Variants in ERI3 observed in about 807,000 individuals in gnomAD.
ERI3 encodes the protein ERI1 exoribonuclease family member 3.
ERI3 carries 18 observed loss-of-function variants against 44.4 expected under a neutral mutation model. The observed-to-expected ratio is 0.41, with a 90% CI of 0.28 to 0.60. The LOEUF (loss-of-function observed/expected upper bound fraction) is 0.60, where lower values mean the gene tolerates loss of function less well. ERI3 is among the 20% of genes least tolerant of loss of function. The probability of loss-of-function intolerance (pLI) is 0.36; values close to 1 mark genes in which losing one functional copy is unlikely to be tolerated. For synonymous variants in ERI3, 183 were observed against 164.8 expected (o/e 1.11, Z -0.84); for missense variants, 294 against 435.5 (o/e 0.68, Z 2.89).
At chr1:44,342,517 AT>A (rs1416426250) in intron 2 of ERI3, among the ~76,000 whole-genome samples, 1 of 151,730 alleles carries the variant, frequency 6.6e-6, no homozygotes, top group African/African-American at 2.4e-5. Context: ...TTAGATGTGT[AT>A]CAGATAGATA....
chr1:44,252,573 C>T lies in ERI3; in HGVS notation c.832-4535G>A, dbSNP rs1331397033. Among the ~76,000 whole-genome samples the T allele has an allele frequency of 6.6e-6, 1 of 152,218 alleles. No individual in the cohort carries two copies. Among genetic ancestry groups the T allele is most frequent in the East Asian group, 1.9e-4 (1 of 5,194 alleles). On this transcript the variant is annotated intron_variant, in intron 7 of 8. Transcript: ENST00000372257. This position sits in a 1 kb window ranked among gnomAD's most constrained non-coding sequence, Gnocchi z 4.7. ...CATTGCTGGGCCCGCGAAATGGAAT[C>T]GTGTATAATCAGCCTCCTCCATGCA... is the stretch of plus-strand genomic sequence containing the variant.
rs554165333 is a variant in ERI3, at chr1:44,323,443, G to T, written c.490-3699C>A. On this transcript the variant is annotated intron_variant, in intron 3 of 8. Transcript: ENST00000372257. ...TACCCTCCTTAATCCTGGCAGACAGGTTACATCATCATCACCATCACCATC... is the reference window on the plus strand; with the variant it reads ...TACCCTCCTTAATCCTGGCAGACAGTTTACATCATCATCACCATCACCATC... Among the ~76,000 whole-genome samples, 6 of 152,258 alleles carry T rather than the reference G, an allele frequency of 3.9e-5. No homozygotes were observed. The South Asian group carries it at 1.2e-3, about 32-fold the overall frequency.
At chr1:44,224,088 C>T (rs1245377085) in intron 8 of ERI3, among the ~76,000 whole-genome samples, 1 of 152,146 alleles carries the variant, frequency 6.6e-6, no homozygotes, top group Non-Finnish European at 1.5e-5. Flanking sequence ...TGCCCTCTCC[C>T]TCACTCTCCA....
At chr1:44,267,073 T>C (rs1442712990) in intron 7 of ERI3, among the ~76,000 whole-genome samples, 1 of 152,186 alleles carries the variant, frequency 6.6e-6, no homozygotes, top group Non-Finnish European at 1.5e-5. Flanking sequence ...CATGGTGCTC[T>C]AGGAGGCCAG....
chr1:44,260,331 C>T (rs546530222), intron 7 of ERI3, among the ~76,000 whole-genome samples: 3 of 152,236 alleles, frequency 2.0e-5, no homozygotes, highest in Non-Finnish European at 4.4e-5. Flanking sequence ...GATCCTGCCT[C>T]ACTGCACAGG....
intron 8 of ERI3, among the ~76,000 whole-genome samples, chr1:44,226,953 C>T (rs532278786): frequency 1.3e-5 from 2 of 152,088 alleles, no homozygotes; most frequent in African/African-American, 2.4e-5. Context: ...TGTCCTACCA[C>T]CATTGATTGA....
At chr1:44,247,857 ACT>A in intron 8 of ERI3, 80 bp downstream of exon 8, 3 of 1,109,810 alleles carry the variant, frequency 2.7e-6, no homozygotes, top group African/African-American at 1.6e-5. Flanking sequence ...AGCCATGGAA[ACT>A]CTCTATGTGC....
chr1:44,237,336 A>T (rs1420728945), intron 8 of ERI3, among the ~76,000 whole-genome samples: 2 of 152,166 alleles, frequency 1.3e-5, no homozygotes, highest in Non-Finnish European at 2.9e-5. Flanking sequence ...AAACACAGGG[A>T]AGGCTCCATC....
chr1:44,245,396 G>A (rs1455440222), intron 8 of ERI3, among the ~76,000 whole-genome samples: 1 of 152,136 alleles, frequency 6.6e-6, no homozygotes, highest in Non-Finnish European at 1.5e-5. Context: ...AGTGTCCTGG[G>A]GAGCCGCTGG....
At chr1:44,343,791 G>A (rs1340363765) in intron 2 of ERI3, among the ~76,000 whole-genome samples, 1 of 152,128 alleles carries the variant, frequency 6.6e-6, no homozygotes, top group Non-Finnish European at 1.5e-5. Flanking sequence ...GTAGGAAAAT[G>A]TCCTTGTTTA....
At chr1:44,292,760 G>A (rs1463136089) in intron 6 of ERI3, among the ~76,000 whole-genome samples, 1 of 152,146 alleles carries the variant, frequency 6.6e-6, no homozygotes, top group Non-Finnish European at 1.5e-5. Context: ...CCTCTGGGAC[G>A]GCTGCAGGTT....
At chr1:44,231,422 G>T (rs1169855052) in intron 8 of ERI3, among the ~76,000 whole-genome samples, 2 of 152,122 alleles carry the variant, frequency 1.3e-5, no homozygotes, top group African/African-American at 4.8e-5. Context: ...CACCCAGGCA[G>T]GAGTGCAGTG....
At chr1:44,229,850 T>A (rs1184849813) in intron 8 of ERI3, among the ~76,000 whole-genome samples, 1 of 152,134 alleles carries the variant, frequency 6.6e-6, no homozygotes, top group Admixed American at 6.5e-5. Context: ...TCTCCCTTCC[T>A]CAGGCTCTTG....
chr1:44,278,890 A>G (rs1645232782), intron 7 of ERI3, among the ~76,000 whole-genome samples: 3 of 152,356 alleles, frequency 2.0e-5, no homozygotes, highest in Admixed American at 2.0e-4. Context: ...GGCATGAGCC[A>G]CTGCATCTGG....
intron 4 of ERI3, among the ~76,000 whole-genome samples, chr1:44,318,725 CTT>C (rs1557847764): frequency 6.6e-6 from 1 of 152,200 alleles, no homozygotes; most frequent in Non-Finnish European, 1.5e-5. Flanking sequence ...CTCAAGAACC[CTT>C]TTTCACCTAT....
At chr1:44,287,581 C>G (rs2154323650) in intron 6 of ERI3, among the ~76,000 whole-genome samples, 1 of 152,286 alleles carries the variant, frequency 6.6e-6, no homozygotes, top group South Asian at 2.1e-4. Flanking sequence ...TGGCTGAGGC[C>G]AACATGATGA....
At chr1:44,342,858 T>TATATATATATA (rs1408660607) in intron 2 of ERI3, among the ~76,000 whole-genome samples, 8 of 11,374 alleles carry the variant, frequency 7.0e-4, no homozygotes, top group Non-Finnish European at 1.1e-3. Context: ...TATATATATA[T>TATATATATATA]TTTTTTTTTT....
chr1:44,223,724 C>T (rs1393278906), intron 8 of ERI3, among the ~76,000 whole-genome samples: 3 of 152,202 alleles, frequency 2.0e-5, no homozygotes, highest in Non-Finnish European at 4.4e-5. Flanking sequence ...GGCCACCAGC[C>T]ATCCAGTGGG....
intron 7 of ERI3, among the ~76,000 whole-genome samples, chr1:44,269,035 C>G (rs1365602109): frequency 6.6e-6 from 1 of 152,210 alleles, no homozygotes; most frequent in Non-Finnish European, 1.5e-5. Flanking sequence ...CCTGCCTTCC[C>G]TGGACCCTCA....
Sources: gnomAD v4.1 joint callset for allele counts (sites outside exome capture counted in the v4.1 genomes callset) on GRCh38, gnomAD v4.1.1 for gene constraint, Gnocchi (gnomAD v3.1) non-coding constraint, MANE v1.5 for transcripts, NCBI Gene and HGNC (gene_info 2026-07-23, HGNC 2026-07-21) for gene names.